Variants in BST1 observed in about 807,000 individuals in gnomAD.
BST1 encodes bone marrow stromal cell antigen 1.
A neutral mutation model predicts 40.6 loss-of-function variants in BST1; 49 were observed. The observed-to-expected ratio is 1.21, with a 90% CI of 0.96 to 1.53. The LOEUF (loss-of-function observed/expected upper bound fraction) is 1.53, where lower values mean the gene tolerates loss of function less well. BST1 is among the 40% of genes most tolerant of loss of function. BST1 has a pLI of 0.00. For missense variants in BST1, 423 were observed against 395.9 expected, an observed-to-expected ratio of 1.07 and a Z score of -0.58; for synonymous variants, 157 against 159.3, an observed-to-expected ratio of 0.99 and a Z score of 0.11.
At chr4:15,737,809 G>A (rs781627977) in exon 7 of BST1, 2 of 1,285,746 alleles carry the variant, frequency 1.6e-6, no homozygotes, top group Non-Finnish European at 2.0e-6. Context: ...ACCATGATGG[G>A]GAAGATACTG....
chr4:15,760,824 G>A, the BST1 span, among the ~76,000 whole-genome samples: 10 of 150,578 alleles, frequency 6.6e-5, no homozygotes, highest in Non-Finnish European at 1.5e-4. Flanking sequence ...GAGTAGTGGG[G>A]ACCACAGGTG....
chr4:15,713,733 A>G (rs1476131662), intron 4 of BST1, among the ~76,000 whole-genome samples: 2 of 151,788 alleles, frequency 1.3e-5, no homozygotes, highest in African/African-American at 2.4e-5. Flanking sequence ...AGACAGAGTC[A>G]GTCTCTGTCA....
At chr4:15,757,489 A>G in the BST1 span, among the ~76,000 whole-genome samples, 2 of 152,032 alleles carry the variant, frequency 1.3e-5, no homozygotes, top group Admixed American at 1.3e-4. Context: ...TAAAGAGGAC[A>G]AAAGCACACC....
chr4:15,740,304 G>A (rs559764779), downstream of BST1, among the ~76,000 whole-genome samples: 8 of 152,136 alleles, frequency 5.3e-5, no homozygotes, highest in South Asian at 2.1e-4. Flanking sequence ...TGATCTGCCC[G>A]CCTTGGGTTC....
At chr4:15,722,000 CTCCTGTCT>C (rs1349799166) in intron 7 of BST1, among the ~76,000 whole-genome samples, 1 of 152,140 alleles carries the variant, frequency 6.6e-6, no homozygotes, top group Non-Finnish European at 1.5e-5. Context: ...CAAGACCTGG[CTCCTGTCT>C]TCATTGCTGC....
the BST1 span, among the ~76,000 whole-genome samples, chr4:15,751,409 C>T: frequency 8.9e-4 from 136 of 152,150 alleles, 1 homozygote; most frequent in East Asian, 0.024. Context: ...AATTGACTAG[C>T]TGTGATCAGG....
At chr4:15,765,310 G>A in the BST1 span, among the ~76,000 whole-genome samples, 18,040 of 151,796 alleles carry the variant, frequency 0.12, 1,261 homozygotes, top group East Asian at 0.24. Context: ...CGGCAAATCC[G>A]GTCTGTTGTA....
chr4:15,707,855 C>CTCTATATATA (rs544633858), intron 3 of BST1, among the ~76,000 whole-genome samples: 20 of 128,636 alleles, frequency 1.6e-4, no homozygotes, highest in Admixed American at 2.4e-4. Flanking sequence ...CTCTCTCTCT[C>CTCTATATATA]TATATATATA....
rs1449408731 is a variant in BST1 at position 15,707,597 on chromosome 4, T to TGGCA, written c.405_408dup (p.Val137GlnfsTer14). 3.7e-6 allele frequency: 6 copies of TGGCA among 1,614,134 alleles called. No homozygotes were observed. The Admixed American group carries it at 5.0e-5, about 13-fold the overall frequency. ...TTATGCCCCTGAGCGATGTTCTGTA[T>TGGCA]GGCAGGGTTGCAGATTTCTTGAGCT... On this transcript the variant is annotated frameshift_variant, in exon 3 of 9. Transcript: ENST00000265016. LOFTEE classifies it high-confidence loss of function.
chr4:15,726,978 C>A (rs1271015044), intron 8 of BST1, among the ~76,000 whole-genome samples: 1 of 151,104 alleles, frequency 6.6e-6, no homozygotes, highest in African/African-American at 2.4e-5. Flanking sequence ...TCAAGCAATT[C>A]CCCTGCTTCA....
At chr4:15,722,070 G>A (rs1292803825) in intron 7 of BST1, among the ~76,000 whole-genome samples, 1 of 152,100 alleles carries the variant, frequency 6.6e-6, no homozygotes, top group Non-Finnish European at 1.5e-5. Flanking sequence ...CCTCTGTTGT[G>A]CACAGCAAGT....
At chr4:15,735,161 G>T (rs1478171249), downstream of BST1, among the ~76,000 whole-genome samples, 1 of 152,060 alleles carries the variant, frequency 6.6e-6, no homozygotes, top group East Asian at 1.9e-4. Flanking sequence ...TCTCCCATCT[G>T]GCAGACTCTA....
At chr4:15,745,814 G>T in the BST1 span, among the ~76,000 whole-genome samples, 2 of 152,130 alleles carry the variant, frequency 1.3e-5, no homozygotes, top group African/African-American at 4.8e-5. Flanking sequence ...TCTTTGTAGG[G>T]TTTATCTCCC....
intron 8 of BST1, 71 bp from the exon 9 acceptor site, chr4:15,731,669 C>T (rs1721381429): frequency 4.0e-6 from 6 of 1,518,410 alleles, no homozygotes; most frequent in Admixed American, 1.9e-5. Flanking sequence ...ACTAATACTG[C>T]ACATATATTT....
At chr4:15,755,132 CT>C in the BST1 span, among the ~76,000 whole-genome samples, 1 of 151,968 alleles carries the variant, frequency 6.6e-6, no homozygotes, top group Non-Finnish European at 1.5e-5. Context: ...ATCAGTTTCT[CT>C]TTTTTTTATT....
the BST1 span, among the ~76,000 whole-genome samples, chr4:15,770,422 G>C: frequency 5.3e-5 from 8 of 152,020 alleles, no homozygotes; most frequent in African/African-American, 1.7e-4. Flanking sequence ...AAACTACTCC[G>C]GGCCAGGTGT....
the BST1 span, among the ~76,000 whole-genome samples, chr4:15,773,904 C>T: frequency 2.0e-5 from 3 of 152,178 alleles, no homozygotes; most frequent in Admixed American, 6.5e-5. Context: ...ACTTCCCTGA[C>T]GTTTTTTTCT....
intron 8 of BST1, among the ~76,000 whole-genome samples, chr4:15,730,601 G>A (rs1033279436): frequency 6.6e-6 from 1 of 152,188 alleles, no homozygotes; most frequent in Non-Finnish European, 1.5e-5. Context: ...TTAGATAAAA[G>A]GATATCTAAA....
intron 4 of BST1, among the ~76,000 whole-genome samples, chr4:15,714,215 G>A (rs1227973964): frequency 1.3e-5 from 2 of 152,176 alleles, no homozygotes; most frequent in Non-Finnish European, 2.9e-5. Flanking sequence ...GACATGGAGT[G>A]TATTGTTTGG....
Sources: allele counts gnomAD v4.1 joint callset (sites outside exome capture counted in the v4.1 genomes callset), GRCh38; gene constraint gnomAD v4.1.1; transcripts MANE v1.5; gene names NCBI Gene and HGNC (gene_info 2026-07-23, HGNC 2026-07-21).